The following GPHN variants were observed in gnomAD, a reference collection of about 807,000 sequenced individuals.
The protein encoded by GPHN is gephyrin.
In GPHN, 17 loss-of-function variants were observed where a neutral mutation model predicts 95.5. The observed-to-expected ratio is 0.18, with a 90% CI of 0.12 to 0.27. The LOEUF (loss-of-function observed/expected upper bound fraction) is 0.27, where lower values mean the gene tolerates loss of function less well. Among genes scored for constraint, GPHN ranks in the 10% least tolerant of loss-of-function variants. The pLI, the probability that GPHN is intolerant of heterozygous loss-of-function variation, is 1.00. For missense variants in GPHN, 660 were observed against 978.1 expected (o/e 0.67, Z 4.34); for synonymous variants, 320 against 322.5 (o/e 0.99, Z 0.08).
chr14:66,750,198 G>T (rs930864203), intron 2 of GPHN, among the ~76,000 whole-genome samples: 2 of 151,746 alleles, frequency 1.3e-5, no homozygotes, highest in African/African-American at 4.8e-5. Context: ...TATTCTAGGA[G>T]TTTTATATTT....
chr14:66,691,989 C>T (rs954225166), intron 2 of GPHN, among the ~76,000 whole-genome samples: 7 of 152,082 alleles, frequency 4.6e-5, no homozygotes, highest in Non-Finnish European at 8.8e-5. Context: ...AAATCAAATT[C>T]GGATTTGTCC....
chr14:66,573,540 C>T (rs945774490), intron 1 of GPHN, among the ~76,000 whole-genome samples: 2 of 151,576 alleles, frequency 1.3e-5, no homozygotes, highest in Middle Eastern at 3.4e-3. Flanking sequence ...GCAACCTCTG[C>T]CTCTTGGGTT....
At chr14:67,731,730 A>G in the GPHN span, among the ~76,000 whole-genome samples, 4 of 152,190 alleles carry the variant, frequency 2.6e-5, no homozygotes, top group African/African-American at 9.6e-5. Flanking sequence ...TGGAGGGATA[A>G]CCAGCCACTG....
intron 9 of GPHN, among the ~76,000 whole-genome samples, chr14:66,988,026 AT>A (rs200198787): frequency 6.6e-6 from 1 of 151,094 alleles, no homozygotes; most frequent in African/African-American, 2.4e-5. Context: ...TCACTTGGTG[AT>A]TTTTTTTTCC....
In GPHN at chr14:67,003,141, A is replaced by G. The variant is rs560961015; in HGVS notation, c.964-20492A>G. On this transcript the variant is annotated intron_variant, in intron 9 of 22. Transcript: ENST00000478722. ...TTCCCATTTAGTGTCTGGATTAGTT[A>G]TGCACATAAACACACCCCAAAGATG... Among the ~76,000 whole-genome samples the G allele has an allele frequency of 8.6e-5, 13 of 151,776 alleles. No individual in the cohort carries two copies. The East Asian group carries it at 2.3e-3, about 27-fold the overall frequency.
intron 2 of GPHN, among the ~76,000 whole-genome samples, chr14:66,758,124 A>T (rs943370143): frequency 1.3e-5 from 2 of 152,208 alleles, no homozygotes; most frequent in African/African-American, 4.8e-5. Flanking sequence ...TAGAAAACCA[A>T]TTAGGAAAGG....
chr14:66,808,137 A>G (rs752081638), intron 3 of GPHN, among the ~76,000 whole-genome samples: 6 of 152,206 alleles, frequency 3.9e-5, no homozygotes, highest in Non-Finnish European at 8.8e-5. Flanking sequence ...TACAGGTGTT[A>G]TTAAACATCT....
the GPHN span, among the ~76,000 whole-genome samples, chr14:67,632,279 G>A: frequency 1.3e-5 from 2 of 152,262 alleles, no homozygotes; most frequent in Admixed American, 6.5e-5. Context: ...TTTTTGTTAT[G>A]GAAGTATTCA....
intron 18 of GPHN, among the ~76,000 whole-genome samples, chr14:67,144,055 G>A (rs1468137845): frequency 6.6e-6 from 1 of 150,518 alleles, no homozygotes; most frequent in Non-Finnish European, 1.5e-5. Context: ...GGGCGACGTG[G>A]TGAAACCCCA....
At chr14:67,601,154 T>C in the GPHN span, among the ~76,000 whole-genome samples, 1 of 152,240 alleles carries the variant, frequency 6.6e-6, no homozygotes, top group Non-Finnish European at 1.5e-5. Context: ...CATAGGGCAG[T>C]CAGGCGAAGT....
intron 8 of GPHN, among the ~76,000 whole-genome samples, chr14:66,948,497 C>T (rs1373921762): frequency 6.6e-6 from 1 of 151,916 alleles, no homozygotes; most frequent in Non-Finnish European, 1.5e-5. Flanking sequence ...TGGATTCAGC[C>T]CATCAGTCTA....
At chr14:66,603,618 G>A (rs890287080) in intron 1 of GPHN, among the ~76,000 whole-genome samples, 1 of 151,852 alleles carries the variant, frequency 6.6e-6, no homozygotes, top group African/African-American at 2.4e-5. Flanking sequence ...GTATGGTGAA[G>A]GGAATGGGAT....
At chr14:66,633,049 A>T (rs772145266) in intron 1 of GPHN, among the ~76,000 whole-genome samples, 1 of 152,146 alleles carries the variant, frequency 6.6e-6, no homozygotes, top group Non-Finnish European at 1.5e-5. Context: ...TCTTGCACTT[A>T]TTTCCAATTT....
the GPHN span, among the ~76,000 whole-genome samples, chr14:67,396,367 T>G: frequency 6.9e-6 from 1 of 144,778 alleles, no homozygotes. Flanking sequence ...AGGCTGGTCT[T>G]GAACTCCTGA....
chr14:66,994,031 C>G (rs960149861), intron 9 of GPHN, among the ~76,000 whole-genome samples: 1 of 151,992 alleles, frequency 6.6e-6, no homozygotes, highest in Non-Finnish European at 1.5e-5. Flanking sequence ...TTATTATTCT[C>G]TTAATGTAGT....
chr14:67,199,984 A>C, the GPHN span: 1 of 1,115,482 alleles, frequency 9.0e-7, no homozygotes, highest in South Asian at 1.6e-5. Context: ...GATGTCTCAG[A>C]TGCAGCTGGC....
chr14:67,215,513 A>AAAC, the GPHN span, among the ~76,000 whole-genome samples: 42,463 of 151,150 alleles, frequency 0.28, 10,152 homozygotes, highest in African/African-American at 0.63. Context: ...AAAGATTAAA[A>AAAC]AACAACAACA....
At chr14:67,145,187 G>A (rs1167127859) in intron 18 of GPHN, among the ~76,000 whole-genome samples, 1 of 152,172 alleles carries the variant, frequency 6.6e-6, no homozygotes, top group African/African-American at 2.4e-5. Flanking sequence ...CAGGGTTTGT[G>A]TCTTGTTATA....
intron 1 of GPHN, among the ~76,000 whole-genome samples, chr14:66,570,666 A>G (rs1363877825): frequency 6.6e-6 from 1 of 152,046 alleles, no homozygotes; most frequent in Non-Finnish European, 1.5e-5. Context: ...GAATTGTTCT[A>G]TTTTTAATTT....
Sources: gnomAD v4.1 joint callset for allele counts (sites outside exome capture counted in the v4.1 genomes callset) on GRCh38, gnomAD v4.1.1 for gene constraint, MANE v1.5 for transcripts, NCBI Gene and HGNC (gene_info 2026-07-23, HGNC 2026-07-21) for gene names.